LRRFIP2: variants seen among roughly 807,000 people sequenced by gnomAD.
LRRFIP2 encodes LRR binding FLII interacting protein 2.
A neutral mutation model predicts 125.9 loss-of-function variants in LRRFIP2; 109 were observed. That is an observed-to-expected ratio of 0.87 (90% CI 0.74 to 1.01). The LOEUF (loss-of-function observed/expected upper bound fraction) is 1.01. LRRFIP2 is among the 50% of genes least tolerant of loss of function. The pLI, the probability that LRRFIP2 is intolerant of heterozygous loss-of-function variation, is 0.00. For missense variants in LRRFIP2, 850 were observed against 862.3 expected, an observed-to-expected ratio of 0.99 and a Z score of 0.18; for synonymous variants, 291 against 293.1, an observed-to-expected ratio of 0.99 and a Z score of 0.07.
At chr3:37,087,703 C>A (rs769111322) in intron 18 of LRRFIP2, among the ~76,000 whole-genome samples, 1 of 152,116 alleles carries the variant, frequency 6.6e-6, no homozygotes. Flanking sequence ...ATTCTCCTGC[C>A]TCAGCCTCCT....
At chr3:37,102,857 C>G in intron 15 of LRRFIP2, 67 bp downstream of exon 15, 1 of 1,020,700 alleles carries the variant, frequency 9.8e-7, no homozygotes, top group Non-Finnish European at 1.4e-6. Flanking sequence ...TATAAAATAG[C>G]TAACATATTA....
intron 14 of LRRFIP2, among the ~76,000 whole-genome samples, chr3:37,105,227 T>C (rs1440859583): frequency 6.6e-6 from 1 of 152,216 alleles, no homozygotes; most frequent in African/African-American, 2.4e-5. Flanking sequence ...CAAATAATGA[T>C]TCACTCCTAA....
rs2087711453 is a variant in LRRFIP2, at chr3:37,058,895, G to C, written c.1765C>G (p.Leu589Val). The C allele has an allele frequency of 6.2e-7, 1 of 1,613,710 alleles. No homozygotes were observed. The highest frequency in any genetic ancestry group is 8.5e-7 in the Non-Finnish European group (1 of 1,179,936). ...TTCTGTCGTTCCTCCTCTAACTGAA[G>C]CTTCAGTTTTCTAATCTGAAATGAA... ...ELLSQIRKLK[L>V]QLEEERQKCS... Residue 589 changes from leucine (L) to valine (V), a missense_variant, in exon 25 of 28, where the codon CTT (leucine) becomes GTT (valine). Physicochemically the swap from Leu to Val is conservative, Grantham distance 32. Transcript: ENST00000336686.
Position 37,081,892 on chromosome 3 carries a change from GAA to G in LRRFIP2, c.1278+1742_1278+1743del, listed in dbSNP as rs67658865. ...ACAGAGTGAGACCTTGTCTCCAAAA[GAA>G]AAAAAAAAAAAAAAAAAGGACAAGA... On this transcript the variant is annotated intron_variant, in intron 19 of 27. Coordinates refer to ENST00000336686, the MANE Select transcript of LRRFIP2 (RefSeq NM_006309.4). Among the ~76,000 whole-genome samples, 309 of 68,366 alleles carry G rather than the reference GAA, an allele frequency of 4.5e-3. 2 individuals carry two copies. Among genetic ancestry groups the G allele is most frequent in the African/African-American group, 0.014 (301 of 21,518 alleles). The allele number at this position is 68,366 out of a possible 152,430, so 44.9% of individuals were successfully genotyped here.
At chr3:37,071,419 C>T (rs1409110794) in intron 21 of LRRFIP2, among the ~76,000 whole-genome samples, 1 of 152,048 alleles carries the variant, frequency 6.6e-6, no homozygotes, top group Non-Finnish European at 1.5e-5. Context: ...ACTATGTTGC[C>T]CAAGCTGGTC....
At chr3:37,072,950 G>A in intron 20 of LRRFIP2, 68 bp from the exon 21 acceptor site, 3 of 1,023,004 alleles carry the variant, frequency 2.9e-6, no homozygotes, top group South Asian at 1.4e-5. Flanking sequence ...GTTTGAGGGA[G>A]GAAACAAAAA....
chr3:37,155,880 G>GT (rs1321966390), intron 1 of LRRFIP2, among the ~76,000 whole-genome samples: 2 of 151,212 alleles, frequency 1.3e-5, no homozygotes, highest in African/African-American at 2.4e-5. Context: ...TTTAAAAAAA[G>GT]TTTTTTTTTG....
chr3:37,149,205 T>G (rs1247331535), intron 1 of LRRFIP2, among the ~76,000 whole-genome samples, 167 bp from the exon 2 acceptor site: 1 of 152,202 alleles, frequency 6.6e-6, no homozygotes, highest in Non-Finnish European at 1.5e-5. Flanking sequence ...TTACTAAAAC[T>G]CCTACTTCTT....
intron 2 of LRRFIP2, among the ~76,000 whole-genome samples, chr3:37,145,681 G>C (rs1161792371): frequency 6.6e-6 from 1 of 152,154 alleles, no homozygotes; most frequent in Non-Finnish European, 1.5e-5. Flanking sequence ...ACTTTTGTGA[G>C]AATCAAGATG....
chr3:37,079,019 C>T (rs899421974), intron 19 of LRRFIP2, among the ~76,000 whole-genome samples: 1 of 151,842 alleles, frequency 6.6e-6, no homozygotes. Flanking sequence ...TTTTTGAAAA[C>T]TCATAAAGGG....
rs78915413 is a variant in LRRFIP2, at chr3:37,110,374, T to C, written c.513+617A>G. On this transcript the variant is annotated intron_variant, in intron 9 of 27. Coordinates refer to ENST00000336686, the MANE Select transcript of LRRFIP2 (RefSeq NM_006309.4). ...AGTTTTCACCAAACCCAATCAGAGATGAAAAATAAGAGTACTTAAGTTGCG... is the reference window on the plus strand; with the variant it reads ...AGTTTTCACCAAACCCAATCAGAGACGAAAAATAAGAGTACTTAAGTTGCG... Among the ~76,000 whole-genome samples, 26 of 152,332 alleles carry C rather than the reference T, an allele frequency of 1.7e-4. No homozygotes were observed. The East Asian group carries it at 4.1e-3, about 24-fold the overall frequency.
At chr3:37,056,849 C>A (rs756257084) in intron 25 of LRRFIP2, among the ~76,000 whole-genome samples, 30 of 152,162 alleles carry the variant, frequency 2.0e-4, no homozygotes, top group Non-Finnish European at 4.0e-4. Flanking sequence ...GCTTCAGGAT[C>A]TGATTTTTAA....
At position 37,053,435 on chromosome 3, in the gene LRRFIP2, C is replaced by G. The variant is rs967297254; in HGVS notation, c.*416G>C. ...TTTGACCACTGGAGATCACTGAAGTCTGAATTGCACCGTGGAGAAGGCACT... is the reference window on the plus strand; with the variant it reads ...TTTGACCACTGGAGATCACTGAAGTGTGAATTGCACCGTGGAGAAGGCACT... On this transcript the variant is annotated 3_prime_UTR_variant, in exon 28 of 28. Coordinates refer to ENST00000336686, the MANE Select transcript of LRRFIP2 (RefSeq NM_006309.4). The G allele has an allele frequency of 6.2e-6, 1 of 160,190 alleles. No individual in the cohort carries two copies. The highest frequency in any genetic ancestry group is 2.4e-5 in the African/African-American group (1 of 41,562). The allele number at this position is 160,190 out of a possible 1,614,324, so 9.9% of individuals were successfully genotyped here.
chr3:37,174,839 A>C (rs546757803), upstream of LRRFIP2: 3 of 152,342 alleles, frequency 2.0e-5, no homozygotes, highest in African/African-American at 7.2e-5. Context: ...CCTCTATTTC[A>C]ATTTTCAGAT....
intron 1 of LRRFIP2, among the ~76,000 whole-genome samples, chr3:37,149,427 A>G (rs904697007): frequency 2.0e-5 from 3 of 151,972 alleles, no homozygotes; most frequent in Non-Finnish European, 2.9e-5. Flanking sequence ...TGAGGCAGGA[A>G]AATCACTTGA....
chr3:37,125,086 T>C (rs1347482954), intron 4 of LRRFIP2, among the ~76,000 whole-genome samples: 2 of 152,194 alleles, frequency 1.3e-5, no homozygotes, highest in Non-Finnish European at 2.9e-5. Context: ...AATGCTGTTT[T>C]GATACATTTA....
chr3:37,094,957 G>T, intron 16 of LRRFIP2, 49 bp from the exon 17 acceptor site: 1 of 1,223,704 alleles, frequency 8.2e-7, no homozygotes, highest in Non-Finnish European at 1.2e-6. Context: ...TTAAAAATAT[G>T]TTTGCTGTGG....
At chr3:37,139,756 C>CT (rs1311327826) in intron 2 of LRRFIP2, among the ~76,000 whole-genome samples, 1 of 152,092 alleles carries the variant, frequency 6.6e-6, no homozygotes, top group Non-Finnish European at 1.5e-5. Flanking sequence ...TCTATTGGTT[C>CT]ACTCTCTTCA....
At chr3:37,076,379 T>G (rs2148939362) in intron 19 of LRRFIP2, among the ~76,000 whole-genome samples, 1 of 151,576 alleles carries the variant, frequency 6.6e-6, no homozygotes, top group South Asian at 2.1e-4. Flanking sequence ...ATTCAAAAAT[T>G]AGCCAGGGTT....
Sources: gnomAD v4.1 joint callset for allele counts (sites outside exome capture counted in the v4.1 genomes callset) on GRCh38, gnomAD v4.1.1 for gene constraint, MANE v1.5 for transcripts, NCBI Gene and HGNC (gene_info 2026-07-23, HGNC 2026-07-21) for gene names.